The following GLYATL3 variants were observed in gnomAD, a reference collection of about 807,000 sequenced individuals.
GLYATL3 encodes the protein glycine N-acyltransferase-like protein 3.
GLYATL3 carries 31 observed loss-of-function variants against 28.5 expected under a neutral mutation model. That is an observed-to-expected ratio of 1.09 (90% CI 0.82 to 1.47). The LOEUF (loss-of-function observed/expected upper bound fraction) is 1.47, where lower values mean the gene tolerates loss of function less well. Among genes scored for constraint, GLYATL3 ranks in the 40% most tolerant of loss-of-function variants. GLYATL3 has a pLI of 0.00. For synonymous variants in GLYATL3, 141 were observed against 140.2 expected (o/e 1.01, Z -0.04); for missense variants, 369 against 351.5 (o/e 1.05, Z -0.40).
At position 49,509,189 on chromosome 6, in the gene GLYATL3, A is replaced by G. The variant is rs139476324; in HGVS notation, c.-28-2774A>G. Among the ~76,000 whole-genome samples, 822 of 152,272 alleles carry G rather than the reference A, an allele frequency of 5.4e-3. 4 individuals carry two copies. Among genetic ancestry groups the G allele is most frequent in the Non-Finnish European group, 1.0e-2 (678 of 68,032 alleles). ...GTGGACTCTCACCTGCTGCAAGTAC[A>G]ATTGATTCTCATTGTGGTAGTTATT... On this transcript the variant is annotated intron_variant, in intron 1 of 5. Transcript: ENST00000371197.
At chr6:49,518,572 G>T (rs1284798824) in intron 4 of GLYATL3, among the ~76,000 whole-genome samples, 1 of 152,152 alleles carries the variant, frequency 6.6e-6, no homozygotes, top group Non-Finnish European at 1.5e-5. Flanking sequence ...ATAAGGAAAA[G>T]CTTCTATCCA....
At position 49,510,057 on chromosome 6, in the gene GLYATL3, G is replaced by T. The variant is rs150257768; in HGVS notation, c.-28-1906G>T. ...TTATTTATTTATTTATTTTTTTGACGGAGTTTTGCACTTGTTGCCCAGGCT... is the reference window on the plus strand; with the variant it reads ...TTATTTATTTATTTATTTTTTTGACTGAGTTTTGCACTTGTTGCCCAGGCT... On this transcript the variant is annotated intron_variant, in intron 1 of 5. Coordinates refer to ENST00000371197, the MANE Select transcript of GLYATL3 (RefSeq NM_001010904.2). Among the ~76,000 whole-genome samples the T allele has an allele frequency of 5.0e-3, 613 of 122,544 alleles. 4 individuals carry two copies. The highest frequency in any genetic ancestry group is 7.1e-3 in the Non-Finnish European group (411 of 58,282). 80.4% of individuals were successfully genotyped at this position (122,544 alleles called of 152,430 possible).
intron 1 of GLYATL3, among the ~76,000 whole-genome samples, chr6:49,504,257 G>T (rs563087156): frequency 2.1e-5 from 3 of 140,916 alleles, no homozygotes; most frequent in Admixed American, 1.5e-4. Context: ...TTTTTTTGAC[G>T]GTTGGATGTG....
At chr6:49,511,127 G>A (rs893019346) in intron 1 of GLYATL3, among the ~76,000 whole-genome samples, 1 of 152,142 alleles carries the variant, frequency 6.6e-6, no homozygotes, top group African/African-American at 2.4e-5. Flanking sequence ...CCAGATGTAA[G>A]TTGATAAGCT....
chr6:49,507,244 G>A (rs1769026929), intron 1 of GLYATL3, among the ~76,000 whole-genome samples: 2 of 152,032 alleles, frequency 1.3e-5, no homozygotes, highest in Admixed American at 1.3e-4. Flanking sequence ...AGGATCACCA[G>A]ATGGAAAAGG....
At chr6:49,513,697 C>T (rs796572264) in intron 2 of GLYATL3, among the ~76,000 whole-genome samples, 14 of 152,162 alleles carry the variant, frequency 9.2e-5, no homozygotes, top group African/African-American at 3.1e-4. Flanking sequence ...TAATATAAGC[C>T]GAACCCAATT....
At chr6:49,524,223 T>C (rs529341884) in intron 5 of GLYATL3, among the ~76,000 whole-genome samples, 9 of 113,106 alleles carry the variant, frequency 8.0e-5, no homozygotes, top group African/African-American at 2.6e-4. Flanking sequence ...AAAAACTCAA[T>C]TGAAAATTCC....
chr6:49,503,191 C>T (rs983023954), intron 1 of GLYATL3, among the ~76,000 whole-genome samples: 1 of 152,136 alleles, frequency 6.6e-6, no homozygotes, highest in Admixed American at 6.5e-5. Flanking sequence ...AAGTCCTCAT[C>T]ATCTTTACTG....
At chr6:49,522,578 AC>A (rs1367621087) in intron 5 of GLYATL3, among the ~76,000 whole-genome samples, 3 of 152,172 alleles carry the variant, frequency 2.0e-5, no homozygotes, top group African/African-American at 7.2e-5. Flanking sequence ...GAATGATTAA[AC>A]CAAGCCAGTT....
chr6:49,507,709 A>C (rs756757199), intron 1 of GLYATL3, among the ~76,000 whole-genome samples: 1 of 152,146 alleles, frequency 6.6e-6, no homozygotes, highest in Non-Finnish European at 1.5e-5. Flanking sequence ...AGCAGCCTGC[A>C]ATGCAATGGG....
chr6:49,514,544 T>C (rs1371938536), intron 2 of GLYATL3, among the ~76,000 whole-genome samples: 1 of 152,146 alleles, frequency 6.6e-6, no homozygotes, highest in Non-Finnish European at 1.5e-5. Context: ...TAGATAAAAA[T>C]ATGTGGCTGC....
At position 49,526,839 on chromosome 6, in the gene GLYATL3, T is replaced by C. The variant is rs758990157; in HGVS notation, c.792T>C (p.His264=). 1.3e-6 allele frequency: 2 copies of C among 1,552,138 alleles called. No homozygotes were observed. Among genetic ancestry groups the C allele is most frequent in the South Asian group, 2.4e-5 (2 of 84,058 alleles). Residue 264 remains histidine, a synonymous_variant, in exon 6 of 6, where the codon CAT becomes CAC. Transcript: ENST00000371197. The part of the protein sequence containing the change: ...TASISLLKSL[H]AEFLPCRFHR... ...CTATAAGCCTCCTGAAGAGTCTCCATGCTGAGTTCTTGCCTTGTCGCTTCC... is the reference window on the plus strand; with the variant it reads ...CTATAAGCCTCCTGAAGAGTCTCCACGCTGAGTTCTTGCCTTGTCGCTTCC...
chr6:49,518,217 C>G (rs913884390), intron 4 of GLYATL3, among the ~76,000 whole-genome samples: 1 of 152,080 alleles, frequency 6.6e-6, no homozygotes, highest in African/African-American at 2.4e-5. Flanking sequence ...GAGACAGGAT[C>G]TCACCATATT....
intron 1 of GLYATL3, among the ~76,000 whole-genome samples, chr6:49,504,639 T>C (rs867418689): frequency 3.3e-5 from 5 of 152,160 alleles, no homozygotes; most frequent in Middle Eastern, 3.2e-3. Flanking sequence ...TAAGTAATTG[T>C]AATTTTAAGG....
intron 2 of GLYATL3, among the ~76,000 whole-genome samples, chr6:49,513,205 T>C (rs1228079975): frequency 6.6e-6 from 1 of 152,196 alleles, no homozygotes; most frequent in Non-Finnish European, 1.5e-5. Context: ...CTTCCTCCAT[T>C]TTTTGGAGTT....
Position 49,515,663 on chromosome 6 carries a change from C to A in GLYATL3, c.89C>A (p.Ala30Glu). Reference sequence around the variant, plus strand: ...GGTTATCTGACTCAGGTTTACGGAGCGGTGATGAACATAAATCGTGGGAAC... The same window carrying A: ...GGTTATCTGACTCAGGTTTACGGAGAGGTGATGAACATAAATCGTGGGAAC... ...CFPESLKVYG[A>E]VMNINRGNPF... The change falls in exon 3 of 6, where the codon GCG (alanine) becomes GAG (glutamate). Residue 30 changes from alanine (A) to glutamate (E), a missense_variant. By Grantham distance (107) the Ala-to-Glu change is moderately radical. Coordinates refer to ENST00000371197, the MANE Select transcript of GLYATL3 (RefSeq NM_001010904.2). 2 of 1,544,662 alleles carry A rather than the reference C, an allele frequency of 1.3e-6. 1 individual carries two copies. Among genetic ancestry groups the A allele is most frequent in the Non-Finnish European group, 1.8e-6 (2 of 1,140,778 alleles).
chr6:49,521,806 C>T (rs1338695862), intron 5 of GLYATL3, 35 bp downstream of exon 5: 1 of 1,538,616 alleles, frequency 6.5e-7, no homozygotes, highest in Admixed American at 2.0e-5. Flanking sequence ...TGGGGCAGGA[C>T]TTACTGCTAT....
intron 1 of GLYATL3, among the ~76,000 whole-genome samples, chr6:49,504,519 G>A (rs761827900): frequency 6.6e-6 from 1 of 151,888 alleles, no homozygotes; most frequent in African/African-American, 2.4e-5. Context: ...AATGTTTTTC[G>A]GCAGCAGTAA....
chr6:49,525,065 C>A (rs1038155894), intron 5 of GLYATL3, among the ~76,000 whole-genome samples: 12 of 146,216 alleles, frequency 8.2e-5, no homozygotes, highest in Non-Finnish European at 1.6e-4. Context: ...GCCATGGATG[C>A]ATAACCACAG....
Sources: gnomAD v4.1 joint callset for allele counts (sites outside exome capture counted in the v4.1 genomes callset) on GRCh38, gnomAD v4.1.1 for gene constraint, MANE v1.5 for transcripts, NCBI Gene and HGNC (gene_info 2026-07-23, HGNC 2026-07-21) for gene names.